ZC3H12B: variants seen among roughly 807,000 people sequenced by gnomAD.
The protein encoded by ZC3H12B is zinc finger CCCH-type containing 12B, also known as probable ribonuclease ZC3H12B.
Under a neutral mutation model 43.9 loss-of-function variants are expected in ZC3H12B, and 7 were observed. That is an observed-to-expected ratio of 0.16 (90% CI 0.09 to 0.30). The LOEUF is 0.30. Among genes scored for constraint, ZC3H12B ranks in the 10% least tolerant of loss-of-function variants. ZC3H12B has a pLI of 1.00. For missense variants in ZC3H12B, 475 were observed against 670.2 expected (o/e 0.71, Z 3.22); for synonymous variants, 222 against 241.7 (o/e 0.92, Z 0.76).
intron 3 of ZC3H12B, among the ~76,000 whole-genome samples, chrX:65,428,003 G>A (rs756544274): frequency 6.5e-4 from 72 of 111,607 alleles, no homozygotes; most frequent in Non-Finnish European, 1.2e-3. Flanking sequence ...AGGATCTTAT[G>A]TCTTCTTTGT....
At chrX:65,503,623 T>G (rs1332687173) in exon 5 of ZC3H12B, 1 of 98,331 alleles carries the variant, frequency 1.0e-5, no homozygotes, top group Non-Finnish European at 2.0e-5. Context: ...TCTTTCTTTA[T>G]TTTTTTTTTT....
intron 1 of ZC3H12B, among the ~76,000 whole-genome samples, chrX:65,494,440 T>C (rs1261564339): frequency 9.1e-6 from 1 of 109,803 alleles, no homozygotes; most frequent in Admixed American, 9.9e-5. Flanking sequence ...GGTCTCACCA[T>C]GTTGCCAAGG....
At chrX:65,161,403 C>T in the ZC3H12B span, among the ~76,000 whole-genome samples, 2 of 111,268 alleles carry the variant, frequency 1.8e-5, no homozygotes, top group Admixed American at 9.6e-5. Flanking sequence ...TTCTAAGTCT[C>T]TTTGTAGGTC....
chrX:65,276,744 C>T, the ZC3H12B span, among the ~76,000 whole-genome samples: 1 of 111,462 alleles, frequency 9.0e-6, no homozygotes, highest in Non-Finnish European at 1.9e-5. Flanking sequence ...TAGAGCTGAA[C>T]ACAAAGGATA....
At chrX:65,085,382 A>T in the ZC3H12B span, among the ~76,000 whole-genome samples, 1 of 111,480 alleles carries the variant, frequency 9.0e-6, no homozygotes, top group African/African-American at 3.3e-5. Flanking sequence ...TCCCATAAAC[A>T]TATATACCTA....
chrX:65,035,133 G>A, the ZC3H12B span, among the ~76,000 whole-genome samples: 3 of 112,306 alleles, frequency 2.7e-5, no homozygotes. Context: ...GCTCCTCTCT[G>A]GCCCCGGCTG....
At chrX:65,126,499 G>A in the ZC3H12B span, among the ~76,000 whole-genome samples, 1 of 111,134 alleles carries the variant, frequency 9.0e-6, no homozygotes, top group Non-Finnish European at 1.9e-5. Context: ...TTTCCCAGGT[G>A]TTCTTTGAGA....
At chrX:65,088,808 TA>T in the ZC3H12B span, among the ~76,000 whole-genome samples, 4 of 111,433 alleles carry the variant, frequency 3.6e-5, no homozygotes, top group South Asian at 1.5e-3. Flanking sequence ...GCAATATAGC[TA>T]AGTTGTGGGC....
At chrX:65,311,385 T>A in the ZC3H12B span, among the ~76,000 whole-genome samples, 1 of 111,751 alleles carries the variant, frequency 8.9e-6, no homozygotes. Flanking sequence ...AACAGACACA[T>A]GAAAAAAATG....
chrX:65,388,580 G>A (rs182716371), intron 2 of ZC3H12B, among the ~76,000 whole-genome samples: 37 of 111,054 alleles, frequency 3.3e-4, no homozygotes, highest in Admixed American at 2.9e-4. Flanking sequence ...CTTTGCCATG[G>A]GTTTGAACTT....
chrX:65,165,331 T>C, the ZC3H12B span, among the ~76,000 whole-genome samples: 1 of 112,189 alleles, frequency 8.9e-6, no homozygotes, highest in Non-Finnish European at 1.9e-5. Flanking sequence ...GATACATAGG[T>C]ATACATGTGC....
chrX:65,204,352 G>A, the ZC3H12B span, among the ~76,000 whole-genome samples: 1 of 111,555 alleles, frequency 9.0e-6, no homozygotes, highest in Non-Finnish European at 1.9e-5. Context: ...TTCTTAAATG[G>A]GTAAATTAGA....
At chrX:65,267,191 C>A in the ZC3H12B span, among the ~76,000 whole-genome samples, 1 of 89,550 alleles carries the variant, frequency 1.1e-5, no homozygotes, top group South Asian at 4.1e-4. Flanking sequence ...TATTTTTTTT[C>A]TTTCTTTCTT....
At chrX:65,418,419 T>A (rs1473932259) in intron 3 of ZC3H12B, among the ~76,000 whole-genome samples, 7 of 111,704 alleles carry the variant, frequency 6.3e-5, no homozygotes, top group Non-Finnish European at 1.1e-4. Context: ...GCTCTGTCAC[T>A]ACTCTTCTCT....
the ZC3H12B span, among the ~76,000 whole-genome samples, chrX:65,062,734 A>G: frequency 1.8e-5 from 2 of 112,063 alleles, no homozygotes; most frequent in African/African-American, 3.2e-5. Flanking sequence ...CATTGAATCT[A>G]TAAATTACTT....
the ZC3H12B span, among the ~76,000 whole-genome samples, chrX:65,109,992 C>A: frequency 9.0e-6 from 1 of 111,351 alleles, no homozygotes; most frequent in South Asian, 3.8e-4. Flanking sequence ...TGTATTTTAG[C>A]CCATCTGACA....
At chrX:65,179,264 G>T in the ZC3H12B span, among the ~76,000 whole-genome samples, 3 of 109,688 alleles carry the variant, frequency 2.7e-5, no homozygotes, top group Non-Finnish European at 5.7e-5. Context: ...TCGGGGTGTT[G>T]GGGGTAAGGG....
At chrX:65,055,573 C>T in the ZC3H12B span, among the ~76,000 whole-genome samples, 1 of 111,738 alleles carries the variant, frequency 8.9e-6, no homozygotes, top group South Asian at 3.8e-4. Flanking sequence ...CTCTGCCAGG[C>T]TTTGGTATCA....
chrX:65,486,304 G>A (rs1046037055), upstream of ZC3H12B, among the ~76,000 whole-genome samples: 4 of 112,205 alleles, frequency 3.6e-5, no homozygotes, highest in Admixed American at 2.8e-4. Context: ...CTATAGAAGT[G>A]CATTTCTAGG....
Sources: allele counts gnomAD v4.1 joint callset (sites outside exome capture counted in the v4.1 genomes callset), GRCh38; gene constraint gnomAD v4.1.1; transcripts MANE v1.5; gene names NCBI Gene and HGNC (gene_info 2026-07-23, HGNC 2026-07-21).